DSE: variants seen among roughly 807,000 people sequenced by gnomAD.
The protein encoded by DSE is dermatan sulfate epimerase.
In DSE, 36 loss-of-function variants were observed where a neutral mutation model predicts 84.4. That is an observed-to-expected ratio of 0.43 (90% CI 0.33 to 0.56). The LOEUF is 0.56. Ranked by LOEUF, DSE falls within the 20% of genes least tolerant of loss-of-function variation. The pLI, the probability that DSE is intolerant of heterozygous loss-of-function variation, is 0.06. For synonymous variants in DSE, 410 were observed against 430.1 expected, an observed-to-expected ratio of 0.95 and a Z score of 0.58; for missense variants, 862 against 1,169.6, an observed-to-expected ratio of 0.74 and a Z score of 3.84.
At chr6:116,279,926 T>G in intron 2 of DSE, 3 of 1,552,298 alleles carry the variant, frequency 1.9e-6, no homozygotes. Flanking sequence ...CCCTACAGTC[T>G]CACTAACATT....
At chr6:116,402,377 A>G (rs189687211) in intron 2 of DSE, among the ~76,000 whole-genome samples, 2 of 152,284 alleles carry the variant, frequency 1.3e-5, no homozygotes, top group East Asian at 3.9e-4. Flanking sequence ...AATTTTCTTA[A>G]TTAACTTTCC....
intron 2 of DSE, among the ~76,000 whole-genome samples, chr6:116,365,058 G>A (rs1302709077): frequency 1.3e-5 from 2 of 151,910 alleles, no homozygotes; most frequent in Admixed American, 6.6e-5. Context: ...GGCTGATCTC[G>A]AACTCCTGGG....
In DSE at chr6:116,293,329, T is replaced by A. The variant is rs181334128; in HGVS notation, c.-54+34362T>A. On this transcript the variant is annotated intron_variant, in intron 2 of 3. Coordinates refer to the DSE transcript ENST00000430252. ...GCTCTGTCACCAGACTCGAGTGCAG[T>A]GGCGTGATCTCAGCTCACTACAACC... is the stretch of plus-strand genomic sequence containing the variant. Among the ~76,000 whole-genome samples the A allele has an allele frequency of 2.0e-5, 3 of 151,270 alleles. No individual in the cohort carries two copies. The East Asian group carries it at 5.9e-4, about 30-fold the overall frequency.
upstream of DSE, chr6:116,369,720 C>T: frequency 3.1e-6 from 1 of 323,314 alleles, no homozygotes; most frequent in East Asian, 7.7e-5. Context: ...TTAATAGTAC[C>T]ACTTCCTCTT....
At chr6:116,328,548 G>A (rs1776759830) in intron 2 of DSE, among the ~76,000 whole-genome samples, 1 of 152,010 alleles carries the variant, frequency 6.6e-6, no homozygotes, top group Admixed American at 6.6e-5. Context: ...TTAAAATCTT[G>A]GTATATCCAT....
intron 2 of DSE, among the ~76,000 whole-genome samples, chr6:116,409,047 C>T (rs1782122533): frequency 6.6e-6 from 1 of 152,130 alleles, no homozygotes; most frequent in Non-Finnish European, 1.5e-5. Context: ...CTTGACTTCT[C>T]TGTGGCTCAG....
intron 2 of DSE, among the ~76,000 whole-genome samples, chr6:116,294,249 C>G (rs1774509861): frequency 6.6e-6 from 1 of 152,118 alleles, no homozygotes; most frequent in Non-Finnish European, 1.5e-5. Context: ...TCTTGAACTC[C>G]TGGGCTCAAG....
Position 116,442,185 on chromosome 6 carries a change from A to G in DSE, c.*4840A>G, listed in dbSNP as rs1784449018. 1 of 152,396 alleles carries G rather than the reference A, an allele frequency of 6.6e-6. No homozygotes were observed. Among genetic ancestry groups the G allele is most frequent in the Non-Finnish European group, 1.5e-5 (1 of 68,208 alleles). 9.4% of individuals were successfully genotyped at this position (152,396 alleles called of 1,614,324 possible). On this transcript the variant is annotated 3_prime_UTR_variant, in exon 6 of 6. Transcript: ENST00000644252. The stretch of plus-strand genomic sequence containing the variant: ...CCTGAGCTCAGTATGTGTTTGGTGT[A>G]TTTAGGACTAGGAGGCCAGTGTGGC...
At chr6:116,294,625 G>A (rs1774540014) in intron 2 of DSE, among the ~76,000 whole-genome samples, 1 of 152,182 alleles carries the variant, frequency 6.6e-6, no homozygotes, top group South Asian at 2.1e-4. Context: ...GTAGATAGGG[G>A]AAGTATTTGT....
chr6:116,274,185 A>ATC (rs1773010319), intron 2 of DSE, among the ~76,000 whole-genome samples: 1 of 152,098 alleles, frequency 6.6e-6, no homozygotes, highest in Non-Finnish European at 1.5e-5. Context: ...CTAGACTCAG[A>ATC]TATTTTCCTT....
rs781610642 is a variant in DSE at position 116,441,074 on chromosome 6, C to G, written c.*3729C>G. ...TATTTTTTTTTCAGCAATGTTTCAG[C>G]TAGATATTTGCTTTATGCATGTAAT... On this transcript the variant is annotated 3_prime_UTR_variant, in exon 6 of 6. Coordinates refer to ENST00000644252, the MANE Select transcript of DSE (RefSeq NM_013352.4). 7.9e-5 allele frequency: 12 copies of G among 152,022 alleles called. No individual in the cohort carries two copies. Among genetic ancestry groups the G allele is most frequent in the Non-Finnish European group, 1.2e-4 (8 of 68,000 alleles). The allele number at this position is 152,022 out of a possible 1,614,324, so 9.4% of individuals were successfully genotyped here.
intron 2 of DSE, among the ~76,000 whole-genome samples, chr6:116,322,007 A>G (rs1157648948): frequency 9.2e-5 from 14 of 152,258 alleles, no homozygotes; most frequent in African/African-American, 3.1e-4. Flanking sequence ...CGGGGGCATC[A>G]GCAAGACTCC....
At chr6:116,292,472 GA>G in intron 2 of DSE, among the ~76,000 whole-genome samples, 1 of 152,188 alleles carries the variant, frequency 6.6e-6, no homozygotes, top group Non-Finnish European at 1.5e-5. Flanking sequence ...TTGCAGAGTT[GA>G]AAAAATGAAT....
intron 3 of DSE, among the ~76,000 whole-genome samples, chr6:116,428,520 C>T (rs1197088226): frequency 1.3e-5 from 2 of 152,166 alleles, no homozygotes; most frequent in Non-Finnish European, 2.9e-5. Context: ...TCATTTTGCC[C>T]TGGCAGGAAT....
intron 2 of DSE, among the ~76,000 whole-genome samples, chr6:116,420,704 A>C (rs915258688): frequency 6.6e-6 from 1 of 152,232 alleles, no homozygotes. Flanking sequence ...GAACCTTGCA[A>C]TGTTAAATTT....
At chr6:116,296,753 T>C (rs572456690) in intron 2 of DSE, among the ~76,000 whole-genome samples, 1 of 152,300 alleles carries the variant, frequency 6.6e-6, no homozygotes, top group African/African-American at 2.4e-5. Context: ...GGTCAGATCA[T>C]GTGAGGCTTT....
intron 2 of DSE, among the ~76,000 whole-genome samples, chr6:116,264,239 A>T (rs1772527206): frequency 6.6e-6 from 1 of 152,132 alleles, no homozygotes; most frequent in Non-Finnish European, 1.5e-5. Flanking sequence ...AATGAGTTGT[A>T]GATTTGGTCT....
intron 2 of DSE, among the ~76,000 whole-genome samples, chr6:116,307,275 G>A (rs1002233158): frequency 4.6e-5 from 7 of 152,206 alleles, no homozygotes; most frequent in African/African-American, 1.7e-4. Context: ...CTGTTTGGGT[G>A]TGGATTGATC....
intron 1 of DSE, among the ~76,000 whole-genome samples, chr6:116,398,739 A>G (rs1781404445): frequency 6.6e-6 from 1 of 152,210 alleles, no homozygotes; most frequent in African/African-American, 2.4e-5. Flanking sequence ...GGAAAAGGAG[A>G]TAAGTTACAG....
Sources: allele counts gnomAD v4.1 joint callset (sites outside exome capture counted in the v4.1 genomes callset), GRCh38; gene constraint gnomAD v4.1.1; transcripts MANE v1.5; gene names NCBI Gene and HGNC (gene_info 2026-07-23, HGNC 2026-07-21).